NRXN1: variants seen among roughly 807,000 people sequenced by gnomAD.
NRXN1 encodes neurexin-1.
A neutral mutation model predicts 150.9 loss-of-function variants in NRXN1; 39 were observed. The ratio of observed to expected loss-of-function variants is 0.26; its 90% CI spans 0.20 to 0.34. NRXN1 has a LOEUF of 0.34. Among genes scored for constraint, NRXN1 ranks in the 10% least tolerant of loss-of-function variants. The pLI is 1.00. For missense variants in NRXN1, 1,815 were observed against 1,949.9 expected, an observed-to-expected ratio of 0.93 and a Z score of 1.30; for synonymous variants, 924 against 757.0, an observed-to-expected ratio of 1.22 and a Z score of -3.62.
chr2:50,667,181 T>C (rs1409098226), intron 5 of NRXN1, among the ~76,000 whole-genome samples: 1 of 65,090 alleles, frequency 1.5e-5, no homozygotes, highest in East Asian at 7.9e-4. Context: ...CTTTCATTTT[T>C]ACAGACTTAG....
intron 8 of NRXN1, among the ~76,000 whole-genome samples, chr2:50,572,829 C>A (rs533990452): frequency 6.6e-6 from 1 of 152,200 alleles, no homozygotes; most frequent in African/African-American, 2.4e-5. Flanking sequence ...TGGTCAAAAC[C>A]TACTAGGTAC....
intron 18 of NRXN1, among the ~76,000 whole-genome samples, chr2:50,152,364 A>T (rs920707083): frequency 9.9e-5 from 15 of 151,720 alleles, no homozygotes; most frequent in East Asian, 1.9e-4. Context: ...TGAACCCTGC[A>T]TATGTCAGAA....
rs776654843 is a variant in NRXN1, at chr2:50,902,607, T to A, written c.832+19262A>T. 3.4e-4 allele frequency among the ~76,000 whole-genome samples: 52 copies of A among 152,184 alleles called. 1 individual carries two copies. The highest frequency in any genetic ancestry group is 4.0e-4 in the Non-Finnish European group (27 of 68,042). ...CATCTCCTGATCTTCTAAGATACCATGTAACTTGGGAGTGCTGAGAATATA... is the reference window on the plus strand; with the variant it reads ...CATCTCCTGATCTTCTAAGATACCAAGTAACTTGGGAGTGCTGAGAATATA... On this transcript the variant is annotated intron_variant, in intron 5 of 22. Transcript: ENST00000401669.
chr2:50,248,832 T>C (rs1294567053), intron 17 of NRXN1, among the ~76,000 whole-genome samples: 1 of 152,076 alleles, frequency 6.6e-6, no homozygotes, highest in Non-Finnish European at 1.5e-5. Flanking sequence ...TGTAAACAAA[T>C]ACTTGTATGT....
At chr2:50,713,015 A>G (rs1476755231) in intron 5 of NRXN1, among the ~76,000 whole-genome samples, 1 of 152,204 alleles carries the variant, frequency 6.6e-6, no homozygotes, top group African/African-American at 2.4e-5. Context: ...TCTGAGAGTT[A>G]TATTAAATTT....
chr2:50,475,014 T>C (rs937189667), intron 15 of NRXN1, among the ~76,000 whole-genome samples: 1 of 152,054 alleles, frequency 6.6e-6, no homozygotes, highest in African/African-American at 2.4e-5. Flanking sequence ...ACATTTCTTG[T>C]ACATCAGAGA....
intron 17 of NRXN1, among the ~76,000 whole-genome samples, chr2:50,363,163 T>C (rs919563066): frequency 8.5e-5 from 13 of 152,170 alleles, no homozygotes; most frequent in South Asian, 2.1e-4. Flanking sequence ...GGCAATAACA[T>C]TCAAAACATA....
At chr2:50,183,662 C>T (rs2060882877) in intron 18 of NRXN1, among the ~76,000 whole-genome samples, 1 of 149,442 alleles carries the variant, frequency 6.7e-6, no homozygotes, top group African/African-American at 2.5e-5. Context: ...CTGTTTGTCA[C>T]AACTAGATAC....
chr2:50,619,792 C>T (rs1338946069), intron 8 of NRXN1: 2 of 437,084 alleles, frequency 4.6e-6, no homozygotes, highest in Non-Finnish European at 8.3e-6. Flanking sequence ...CCACACAAAT[C>T]TCAAATGTAA....
At chr2:50,573,371 A>C (rs1670940226) in intron 8 of NRXN1, among the ~76,000 whole-genome samples, 2 of 152,074 alleles carry the variant, frequency 1.3e-5, no homozygotes, top group African/African-American at 4.8e-5. Context: ...TTTAAAAAAA[A>C]AAAACGGAAT....
At chr2:50,773,133 A>G (rs1703207009) in intron 5 of NRXN1, among the ~76,000 whole-genome samples, 1 of 152,084 alleles carries the variant, frequency 6.6e-6, no homozygotes, top group African/African-American at 2.4e-5. Flanking sequence ...TCCTGTTTCT[A>G]TACAGCAGTC....
At chr2:50,633,486 A>G (rs1014657720) in intron 5 of NRXN1, among the ~76,000 whole-genome samples, 2 of 151,926 alleles carry the variant, frequency 1.3e-5, no homozygotes, top group African/African-American at 4.8e-5. Context: ...GCTTCATAGA[A>G]GGCTTGACCA....
rs974803361 is a variant in NRXN1 at position 50,605,254 on chromosome 2, C to T, written c.1320+14768G>A. Among the ~76,000 whole-genome samples, 27 of 152,146 alleles carry T rather than the reference C, an allele frequency of 1.8e-4. 1 individual carries two copies. Among genetic ancestry groups the T allele is most frequent in the Non-Finnish European group, 5.9e-5 (4 of 68,030 alleles). On this transcript the variant is annotated intron_variant, in intron 8 of 22. Coordinates refer to ENST00000401669, the MANE Select transcript of NRXN1 (RefSeq NM_001330078.2). ...ATACATTTTATTATTGAATTAAAGG[C>T]ATTGTAATTCATTTTTATTAGTGTG...
chr2:50,919,374 A>G (rs1190207239), intron 5 of NRXN1: 1 of 151,798 alleles, frequency 6.6e-6, no homozygotes, highest in Non-Finnish European at 1.5e-5. Context: ...TACATGTGTT[A>G]ATTATTTTTT....
chr2:50,055,532 C>T (rs2152630870), intron 19 of NRXN1, among the ~76,000 whole-genome samples: 1 of 152,270 alleles, frequency 6.6e-6, no homozygotes, highest in East Asian at 1.9e-4. Context: ...GCCTAGCATA[C>T]TTTATTTCCT....
intron 17 of NRXN1, among the ~76,000 whole-genome samples, chr2:50,371,049 T>C (rs12465784): frequency 0.23 from 34,383 of 151,862 alleles, 4,306 homozygotes; most frequent in East Asian, 0.43. Flanking sequence ...TGCACATGCA[T>C]GATTGTATAT....
chr2:50,465,899 T>C (rs2088783018), intron 16 of NRXN1, among the ~76,000 whole-genome samples: 1 of 151,828 alleles, frequency 6.6e-6, no homozygotes, highest in Admixed American at 6.6e-5. Context: ...AATGAATGGA[T>C]CTCCTTAACA....
At chr2:50,906,166 C>T (rs577324032) in intron 5 of NRXN1, among the ~76,000 whole-genome samples, 2 of 152,174 alleles carry the variant, frequency 1.3e-5, no homozygotes, top group South Asian at 2.1e-4. Context: ...ATTAAAAATA[C>T]CAAGTAGATT....
chr2:50,078,040 C>T (rs180888247), intron 19 of NRXN1, among the ~76,000 whole-genome samples: 315 of 152,062 alleles, frequency 2.1e-3, no homozygotes, highest in Middle Eastern at 0.01. Context: ...AAATATTCAT[C>T]ATCATAATTT....
Sources: gnomAD v4.1 joint callset for allele counts (sites outside exome capture counted in the v4.1 genomes callset) on GRCh38, gnomAD v4.1.1 for gene constraint, MANE v1.5 for transcripts, NCBI Gene and HGNC (gene_info 2026-07-23, HGNC 2026-07-21) for gene names.